The following PEBP4 variants were observed in gnomAD, a reference collection of about 807,000 sequenced individuals.
PEBP4 encodes the protein phosphatidylethanolamine-binding protein 4.
PEBP4 carries 22 observed loss-of-function variants against 23.9 expected under a neutral mutation model. That is an observed-to-expected ratio of 0.92 (90% CI 0.66 to 1.31). The LOEUF (loss-of-function observed/expected upper bound fraction) is 1.31, where lower values mean the gene tolerates loss of function less well. Among genes scored for constraint, PEBP4 ranks in the 40% most tolerant of loss-of-function variants. PEBP4 has a pLI of 0.00. For missense variants in PEBP4, 324 were observed against 281.7 expected, an observed-to-expected ratio of 1.15 and a Z score of -1.07; for synonymous variants, 112 against 99.3, an observed-to-expected ratio of 1.13 and a Z score of -0.76.
At chr8:22,741,750 G>A (rs751990961) in intron 4 of PEBP4, among the ~76,000 whole-genome samples, 18 of 152,180 alleles carry the variant, frequency 1.2e-4, no homozygotes, top group Non-Finnish European at 2.1e-4. Flanking sequence ...CAGCGCCACC[G>A]TCCCCCCGGC....
At chr8:22,820,212 T>C (rs1806829654) in intron 3 of PEBP4, among the ~76,000 whole-genome samples, 1 of 152,132 alleles carries the variant, frequency 6.6e-6, no homozygotes, top group African/African-American at 2.4e-5. Flanking sequence ...ATAGGAAGTT[T>C]GGGGACAGAG....
At chr8:22,892,314 A>G (rs974842376) in intron 3 of PEBP4, among the ~76,000 whole-genome samples, 1 of 152,232 alleles carries the variant, frequency 6.6e-6, no homozygotes, top group African/African-American at 2.4e-5. Flanking sequence ...TTTTAAGTGT[A>G]TAATTCAGTA....
At chr8:22,804,211 G>T (rs1806447497) in intron 4 of PEBP4, among the ~76,000 whole-genome samples, 1 of 152,134 alleles carries the variant, frequency 6.6e-6, no homozygotes, top group Admixed American at 6.5e-5. Flanking sequence ...TGCACCTGTA[G>T]TCCTAGCTAC....
At chr8:22,746,960 G>GCCCAA (rs1805134606) in intron 4 of PEBP4, among the ~76,000 whole-genome samples, 1 of 152,084 alleles carries the variant, frequency 6.6e-6, no homozygotes, top group African/African-American at 2.4e-5. Flanking sequence ...CAAGCAGCTG[G>GCCCAA]GACTATGGGC....
intron 1 of PEBP4, among the ~76,000 whole-genome samples, chr8:22,934,587 A>G (rs1809508305): frequency 6.6e-6 from 1 of 152,194 alleles, no homozygotes; most frequent in African/African-American, 2.4e-5. Context: ...CTGTAGTTCC[A>G]GCTGCTTGGG....
At chr8:22,856,840 T>A (rs922372241) in intron 3 of PEBP4, among the ~76,000 whole-genome samples, 10 of 152,270 alleles carry the variant, frequency 6.6e-5, no homozygotes, top group African/African-American at 2.4e-4. Flanking sequence ...GTCAAAGATT[T>A]AGGCCTCAGT....
intron 4 of PEBP4, among the ~76,000 whole-genome samples, chr8:22,768,207 C>T (rs376972548): frequency 6.6e-6 from 1 of 152,160 alleles, no homozygotes; most frequent in East Asian, 1.9e-4. Flanking sequence ...CAGGCTGTTT[C>T]CCCTGAAGTG....
chr8:22,728,310 C>G (rs1287337624), intron 4 of PEBP4, among the ~76,000 whole-genome samples: 1 of 152,166 alleles, frequency 6.6e-6, no homozygotes, highest in East Asian at 1.9e-4. Context: ...ACCTTTTAGA[C>G]TGCAGCTTGT....
At chr8:22,800,665 C>T (rs1806363380) in intron 4 of PEBP4, among the ~76,000 whole-genome samples, 1 of 152,158 alleles carries the variant, frequency 6.6e-6, no homozygotes, top group Non-Finnish European at 1.5e-5. Flanking sequence ...AGGACGATTC[C>T]TCAGAGCCTC....
intron 1 of PEBP4, among the ~76,000 whole-genome samples, chr8:22,936,998 A>G (rs564217161): frequency 1.3e-5 from 2 of 152,324 alleles, no homozygotes; most frequent in South Asian, 2.1e-4. Flanking sequence ...AACATACTCA[A>G]TGGTGACAGA....
At chr8:22,772,493 C>CTTTT (rs34489811) in intron 4 of PEBP4, among the ~76,000 whole-genome samples, 49 of 121,574 alleles carry the variant, frequency 4.0e-4, no homozygotes, top group South Asian at 6.0e-4. Context: ...CTCTCTCTCT[C>CTTTT]TTTTTTTTTT....
chr8:22,851,864 G>A (rs1807558702), intron 3 of PEBP4, among the ~76,000 whole-genome samples: 1 of 152,050 alleles, frequency 6.6e-6, no homozygotes, highest in Admixed American at 6.6e-5. Flanking sequence ...GTATTGTTAG[G>A]AGCCTTCTCA....
chr8:22,803,897 G>A (rs1420601028), intron 4 of PEBP4, among the ~76,000 whole-genome samples: 1 of 152,158 alleles, frequency 6.6e-6, no homozygotes, highest in Non-Finnish European at 1.5e-5. Flanking sequence ...ACCTCACAAC[G>A]GGTTCTGAGG....
chr8:22,789,026 A>T (rs761107661), intron 4 of PEBP4, among the ~76,000 whole-genome samples: 2 of 152,244 alleles, frequency 1.3e-5, no homozygotes, highest in Non-Finnish European at 2.9e-5. Flanking sequence ...ATTGCTAAGT[A>T]AGAAAGCAGG....
chr8:22,747,037 A>G (rs1400513646), intron 4 of PEBP4, among the ~76,000 whole-genome samples: 1 of 152,060 alleles, frequency 6.6e-6, no homozygotes, highest in Non-Finnish European at 1.5e-5. Context: ...GTCTCAGCAC[A>G]TTGCCCAGGC....
chr8:22,885,182 T>C, intron 3 of PEBP4: 1 of 152,174 alleles, frequency 6.6e-6, no homozygotes, highest in East Asian at 1.9e-4. Flanking sequence ...TGCCAGTTCA[T>C]AAAGAGAGCT....
intron 3 of PEBP4, among the ~76,000 whole-genome samples, chr8:22,858,776 G>T (rs186938465): frequency 2.6e-5 from 4 of 152,244 alleles, no homozygotes; most frequent in African/African-American, 9.6e-5. Flanking sequence ...GTGAAATCCC[G>T]TCTTTACTAA....
chr8:22,814,412 A>G (rs2128761228), intron 4 of PEBP4, among the ~76,000 whole-genome samples: 1 of 152,356 alleles, frequency 6.6e-6, no homozygotes. Flanking sequence ...TAAGTTATCC[A>G]AAGTTCCAGA....
chr8:22,720,144 C>T (rs1345099336), intron 6 of PEBP4, among the ~76,000 whole-genome samples: 1 of 152,192 alleles, frequency 6.6e-6, no homozygotes, highest in African/African-American at 2.4e-5. Context: ...CTGATAGTCT[C>T]ATGGTGGAAG....
Sources: gnomAD v4.1 joint callset for allele counts (sites outside exome capture counted in the v4.1 genomes callset) on GRCh38, gnomAD v4.1.1 for gene constraint, MANE v1.5 for transcripts, NCBI Gene and HGNC (gene_info 2026-07-23, HGNC 2026-07-21) for gene names.